Variants in RBCK1 observed in about 807,000 individuals in gnomAD.
RBCK1 encodes RANBP2-type and C3HC4-type zinc finger containing 1, also known as ranBP-type and C3HC4-type zinc finger-containing protein 1.
RBCK1 carries 44 observed loss-of-function variants against 71.1 expected under a neutral mutation model. The observed-to-expected ratio is 0.62, with a 90% CI of 0.49 to 0.80. The LOEUF (loss-of-function observed/expected upper bound fraction) is 0.80, where lower values mean the gene tolerates loss of function less well. Ranked by LOEUF, RBCK1 falls within the 30% of genes least tolerant of loss-of-function variation. The pLI, the probability that RBCK1 is intolerant of heterozygous loss-of-function variation, is 0.00. For synonymous variants in RBCK1, 306 were observed against 279.7 expected (o/e 1.09, Z -0.94); for missense variants, 569 against 685.0 (o/e 0.83, Z 1.89).
chr20:418,501 T>C (rs2016139794), intron 4 of RBCK1, among the ~76,000 whole-genome samples: 1 of 152,172 alleles, frequency 6.6e-6, no homozygotes, highest in Admixed American at 6.5e-5. Flanking sequence ...CCGGAGTAGC[T>C]GGGACTACAG....
At chr20:411,656 C>A (rs937046565) in intron 2 of RBCK1, among the ~76,000 whole-genome samples, 1 of 152,180 alleles carries the variant, frequency 6.6e-6, no homozygotes, top group Non-Finnish European at 1.5e-5. Context: ...CGTGAGCCAC[C>A]ACACCCAGCC....
intron 1 of RBCK1, 126 bp from the exon 2 acceptor site, chr20:409,755 G>C: frequency 6.3e-6 from 9 of 1,425,996 alleles, no homozygotes; most frequent in Non-Finnish European, 8.5e-6. Flanking sequence ...TGAAGGATAC[G>C]TAGGAGTTCA....
chr20:430,063 G>A lies in RBCK1; in HGVS notation c.1453-287G>A, dbSNP rs2016939446. On this transcript the variant is annotated intron_variant, in intron 11 of 11. Coordinates refer to ENST00000356286, the MANE Select transcript of RBCK1 (RefSeq NM_031229.4). The surrounding 1 kb of genome is among the most constrained non-coding windows in gnomAD (Gnocchi z 5.6). The stretch of plus-strand genomic sequence containing the variant: ...GTTGCTACGTTCAGGTAGACTTTCA[G>A]ACAGGTGGAGGCAGAGGAAACTGCC... Among the ~76,000 whole-genome samples the A allele has an allele frequency of 6.6e-6, 1 of 152,224 alleles. No homozygotes were observed. Among genetic ancestry groups the A allele is most frequent in the Non-Finnish European group, 1.5e-5 (1 of 68,046 alleles).
chr20:426,034 C>T (rs1460484174), intron 8 of RBCK1, among the ~76,000 whole-genome samples: 2 of 152,164 alleles, frequency 1.3e-5, no homozygotes, highest in Non-Finnish European at 2.9e-5. Context: ...ATTGCTTTCT[C>T]AGTGCTACGT....
chr20:409,466 CT>C (rs11475730), intron 1 of RBCK1, among the ~76,000 whole-genome samples: 21,029 of 147,174 alleles, frequency 0.14, 1,496 homozygotes, highest in East Asian at 0.21. Flanking sequence ...CGCAATCTGA[CT>C]TTTTTTTTTT....
rs1422089280 is a variant in RBCK1, at chr20:422,376, C to CA, written c.1029+141dup. 1 of 699,036 alleles carries CA rather than the reference C, an allele frequency of 1.4e-6. No homozygotes were observed. Among genetic ancestry groups the CA allele is most frequent in the Non-Finnish European group, 2.4e-6 (1 of 408,222 alleles). The allele number at this position is 699,036 out of a possible 1,614,324, so 43.3% of individuals were successfully genotyped here. On this transcript the variant is annotated intron_variant, in intron 8 of 11. Coordinates refer to ENST00000356286, the MANE Select transcript of RBCK1 (RefSeq NM_031229.4). The surrounding 1 kb of genome is among the most constrained non-coding windows in gnomAD (Gnocchi z 5.0). ...CTCACTATGTTGTCCAAGCTGGTCT[C>CA]AAACTCCTGGGCTTAAGCGATCATT...
At chr20:426,622 ATTGC>A (rs916993652) in intron 8 of RBCK1, among the ~76,000 whole-genome samples, 1 of 152,072 alleles carries the variant, frequency 6.6e-6, no homozygotes, top group African/African-American at 2.4e-5. Context: ...CTTTCCCAAC[ATTGC>A]TTATTATTTA....
chr20:410,576 A>G, intron 2 of RBCK1: 4 of 779,700 alleles, frequency 5.1e-6, no homozygotes, highest in Non-Finnish European at 7.2e-6. Flanking sequence ...CCACAGCTAC[A>G]GTTCAGCTTG....
intron 1 of RBCK1, 144 bp from the exon 2 acceptor site, chr20:409,737 C>T (rs1347222791): frequency 8.0e-7 from 1 of 1,256,960 alleles, no homozygotes; most frequent in Admixed American, 2.4e-5. Context: ...GACTTTTAGT[C>T]TGGGTGCTGA....
intron 6 of RBCK1, 70 bp from the exon 7 acceptor site, chr20:420,801 C>G: frequency 7.0e-7 from 1 of 1,437,104 alleles, no homozygotes; most frequent in South Asian, 1.3e-5. Flanking sequence ...CCCCCTGGCC[C>G]TTCCCCCTTC....
Position 417,604 on chromosome 20 carries a change from G to C in RBCK1, c.246G>C (p.Ala82=), listed in dbSNP as rs148091459. 6.2e-7 allele frequency: 1 copy of C among 1,613,954 alleles called. No homozygotes were observed. Residue 82 remains alanine, a synonymous_variant, in exon 3 of 12, where the codon GCG becomes GCC. Transcript: ENST00000356286. This position sits in a 1 kb window ranked among gnomAD's most constrained non-coding sequence, Gnocchi z 4.7. ...WLTVRPDMTV[A]SLKDMVFLDY... Reference sequence around the variant, plus strand: ...CAGTGCGCCCTGATATGACAGTGGCGTCTCTCAAGGACATGGTGAGTGAGG... The same window carrying C: ...CAGTGCGCCCTGATATGACAGTGGCCTCTCTCAAGGACATGGTGAGTGAGG...
chr20:430,579 A>AGT lies in RBCK1; in HGVS notation c.*151_*152dup, dbSNP rs2016969296. 1.3e-6 allele frequency: 1 copy of AGT among 752,610 alleles called. No homozygotes were observed. Among genetic ancestry groups the AGT allele is most frequent in the Non-Finnish European group, 2.2e-6 (1 of 454,430 alleles). 46.6% of individuals were successfully genotyped at this position (752,610 alleles called of 1,614,324 possible). The stretch of plus-strand genomic sequence containing the variant: ...GGTTGTCCACGGTCACATCTGCCCC[A>AGT]GTGCCTTTGTCCTTCCCTTGGGGCT... On this transcript the variant is annotated 3_prime_UTR_variant, in exon 12 of 12. Transcript: ENST00000356286. This position sits in a 1 kb window ranked among gnomAD's most constrained non-coding sequence, Gnocchi z 5.6.
intron 9 of RBCK1, among the ~76,000 whole-genome samples, chr20:427,777 C>T (rs1644826554): frequency 6.6e-6 from 1 of 152,174 alleles, no homozygotes; most frequent in Admixed American, 6.5e-5. Flanking sequence ...GACTGAATCC[C>T]AGTCCCACAT....
At chr20:426,492 T>C (rs1335806759) in intron 8 of RBCK1, among the ~76,000 whole-genome samples, 1 of 152,244 alleles carries the variant, frequency 6.6e-6, no homozygotes, top group Non-Finnish European at 1.5e-5. Flanking sequence ...TTTAACATAA[T>C]GACCTCCAGT....
At chr20:424,435 T>TC (rs1444184530) in intron 8 of RBCK1, among the ~76,000 whole-genome samples, 1 of 151,980 alleles carries the variant, frequency 6.6e-6, no homozygotes, top group African/African-American at 2.4e-5. Context: ...TTTATTTCTG[T>TC]CCCCCCTGCC....
In RBCK1 at chr20:408,303, T is replaced by G. The variant is rs1292322949; in HGVS notation, c.-455T>G. 2 of 181,118 alleles carry G rather than the reference T, an allele frequency of 1.1e-5. No individual in the cohort carries two copies. Among genetic ancestry groups the G allele is most frequent in the Admixed American group, 6.2e-5 (1 of 16,044 alleles). The allele number at this position is 181,118 out of a possible 1,614,324, so 11.2% of individuals were successfully genotyped here. A position where few individuals can be genotyped will look rare whatever the true frequency, so the allele number is the denominator to read the frequency against. On this transcript the variant is annotated 5_prime_UTR_variant, in exon 1 of 12. Transcript: ENST00000356286. The stretch of plus-strand genomic sequence containing the variant: ...CGCCCCACTTCCGGGGCCGCCACTT[T>G]CACTTTCTCTTCCGCCGAAGCCGCT...
chr20:413,317 A>C (rs985808624), intron 2 of RBCK1, among the ~76,000 whole-genome samples: 3 of 152,134 alleles, frequency 2.0e-5, no homozygotes, highest in Non-Finnish European at 2.9e-5. Flanking sequence ...TGCAAAAAAA[A>C]AACAACAACA....
intron 1 of RBCK1, 121 bp downstream of exon 1, chr20:408,900 C>T: frequency 1.3e-5 from 16 of 1,190,238 alleles, no homozygotes; most frequent in Non-Finnish European, 1.9e-5. Flanking sequence ...TCCCTCTACC[C>T]TCCTCCCCAT....
At chr20:426,906 T>G (rs6051947) in intron 8 of RBCK1, among the ~76,000 whole-genome samples, 16,620 of 142,242 alleles carry the variant, frequency 0.12, 1,591 homozygotes, top group African/African-American at 0.27. Context: ...GCTCACTGCA[T>G]CCTTGACCTT....
Sources: allele counts gnomAD v4.1 joint callset (sites outside exome capture counted in the v4.1 genomes callset), GRCh38; gene constraint gnomAD v4.1.1; non-coding constraint Gnocchi (gnomAD v3.1); transcripts MANE v1.5; gene names NCBI Gene and HGNC (gene_info 2026-07-23, HGNC 2026-07-21).